ADPRHL1: variants seen among roughly 807,000 people sequenced by gnomAD.
ADPRHL1 encodes ADP-ribosylhydrolase like 1.
A neutral mutation model predicts 44.1 loss-of-function variants in ADPRHL1; 43 were observed. That is an observed-to-expected ratio of 0.98 (90% CI 0.76 to 1.26). The LOEUF is 1.26. Among genes scored for constraint, ADPRHL1 ranks in the 50% most tolerant of loss-of-function variants. The pLI, the probability that ADPRHL1 is intolerant of heterozygous loss-of-function variation, is 0.00. For synonymous variants in ADPRHL1, 878 were observed against 1,017.4 expected, an observed-to-expected ratio of 0.86 and a Z score of 2.61; for missense variants, 2,022 against 2,496.9, an observed-to-expected ratio of 0.81 and a Z score of 4.05.
intron 6 of ADPRHL1, 63 bp downstream of exon 6, chr13:113,424,154 G>A (rs556597574): frequency 6.3e-7 from 1 of 1,596,724 alleles, no homozygotes; most frequent in African/African-American, 1.3e-5. Flanking sequence ...GACACTCCGA[G>A]GGGGTGCTTC....
Position 113,400,795 on chromosome 13 carries a change from G to A in ADPRHL1, c.*2583C>T, listed in dbSNP as rs796105197. The A allele has an allele frequency of 6.6e-6, 1 of 152,190 alleles. No individual in the cohort carries two copies. Among genetic ancestry groups the A allele is most frequent in the African/African-American group, 2.4e-5 (1 of 41,442 alleles). The allele number at this position is 152,190 out of a possible 1,614,324, so 9.4% of individuals were successfully genotyped here. A position where few individuals can be genotyped will look rare whatever the true frequency, so the allele number is the denominator to read the frequency against. The stretch of plus-strand genomic sequence containing the variant: ...GGCACATGGAGAGGACGGGCCAGTC[G>A]AGCAGGTGGCCTCCTGGCCGCTCAC... On this transcript the variant is annotated 3_prime_UTR_variant, in exon 8 of 8. Coordinates refer to ENST00000612156, the MANE Select transcript of ADPRHL1 (RefSeq NM_001394807.1).
chr13:113,405,508 G>A lies in ADPRHL1; in HGVS notation c.3774C>T (p.Ser1258=). Residue 1258 remains serine, a synonymous_variant, in exon 8 of 8, where the codon AGC becomes AGT. Transcript: ENST00000612156. ...VAVEGNLLGF[S]TESGIPASDH... ...CAGAAGCAGGAATTCCAGACTCTGT[G>A]CTGAAACCCAAAAGGTTTCCTTCCA... 8.1e-7 allele frequency: 1 copy of A among 1,232,108 alleles called. No individual in the cohort carries two copies. The highest frequency in any genetic ancestry group is 1.0e-6 in the Non-Finnish European group (1 of 988,258). The allele number at this position is 1,232,108 out of a possible 1,614,324, so 76.3% of individuals were successfully genotyped here.
chr13:113,444,376 G>A (rs767779224), intron 2 of ADPRHL1, 49 bp downstream of exon 2: 2 of 1,593,436 alleles, frequency 1.3e-6, no homozygotes, highest in South Asian at 1.1e-5. Flanking sequence ...TAGGACCGCA[G>A]GGTCCCCAGC....
intron 2 of ADPRHL1, among the ~76,000 whole-genome samples, chr13:113,435,122 T>A (rs1435396157): frequency 1.6e-5 from 2 of 125,874 alleles, no homozygotes; most frequent in Non-Finnish European, 3.4e-5. Context: ...AGAGTGAACA[T>A]AGGTGTACCC....
intron 3 of ADPRHL1, among the ~76,000 whole-genome samples, chr13:113,430,110 G>A (rs985341333): frequency 2.6e-5 from 4 of 152,178 alleles, no homozygotes; most frequent in African/African-American, 9.7e-5. Context: ...CACTGGGTGC[G>A]CAGCTCTCAG....
intron 1 of ADPRHL1, among the ~76,000 whole-genome samples, chr13:113,450,939 T>C (rs993071677): frequency 1.7e-4 from 24 of 142,954 alleles, no homozygotes; most frequent in South Asian, 6.7e-4. Context: ...TAAACTCCCC[T>C]GGGGAAAGGG....
In ADPRHL1 at chr13:113,408,075, G is replaced by T. The variant is rs565715760; in HGVS notation, c.1207C>A (p.Pro403Thr). 1.6e-6 allele frequency: 2 copies of T among 1,232,010 alleles called. No homozygotes were observed. Among genetic ancestry groups the T allele is most frequent in the Non-Finnish European group, 2.0e-6 (2 of 987,948 alleles). The allele number at this position is 1,232,010 out of a possible 1,614,324, so 76.3% of individuals were successfully genotyped here. A position where few individuals can be genotyped will look rare whatever the true frequency, so the allele number is the denominator to read the frequency against. ...CTCCCCCCGGCCTCTGTCCCCGGGG[G>T]CCGGTCTGCGCGGCCCGTGACGTAG... is the stretch of plus-strand genomic sequence containing the variant. ...LLYVTGRADR[P>T]PGTEAGGSRP... Residue 403 changes from proline (P) to threonine (T), a missense_variant, in exon 8 of 8, where the codon CCC becomes ACC. Around this residue, in one of 8 missense-constraint regions of ADPRHL1, gnomAD observed 1,221 missense variants for 1,517.8 expected, o/e 0.80. Coordinates refer to ENST00000612156, the MANE Select transcript of ADPRHL1 (RefSeq NM_001394807.1).
chr13:113,433,368 G>A (rs901725356), intron 3 of ADPRHL1, among the ~76,000 whole-genome samples: 1 of 152,158 alleles, frequency 6.6e-6, no homozygotes, highest in African/African-American at 2.4e-5. Flanking sequence ...CTTTTGTTCT[G>A]ACACAAATGA....
intron 7 of ADPRHL1, chr13:113,410,223 G>T: frequency 2.8e-6 from 2 of 710,146 alleles, no homozygotes; most frequent in Non-Finnish European, 3.5e-6. Context: ...CCCTCGCCCG[G>T]TTCAGTGAGT....
intron 1 of ADPRHL1, among the ~76,000 whole-genome samples, chr13:113,446,522 C>G (rs1188839697): frequency 6.6e-6 from 1 of 150,420 alleles, no homozygotes; most frequent in Non-Finnish European, 1.5e-5. Context: ...GTCATATGGG[C>G]ACGGCGTTGT....
intron 1 of ADPRHL1, among the ~76,000 whole-genome samples, chr13:113,450,809 A>G (rs761796051): frequency 3.9e-5 from 6 of 152,342 alleles, no homozygotes; most frequent in South Asian, 2.1e-4. Context: ...ACATGAAGGC[A>G]GACTAGGAGT....
At position 113,409,250 on chromosome 13, in the gene ADPRHL1, A is replaced by G; in HGVS notation, c.1062-1030T>C. 2 of 976,170 alleles carry G rather than the reference A, an allele frequency of 2.0e-6. No homozygotes were observed. The highest frequency in any genetic ancestry group is 3.5e-5 in the African/African-American group (2 of 57,040). The allele number at this position is 976,170 out of a possible 1,614,324, so 60.5% of individuals were successfully genotyped here. A position where few individuals can be genotyped will look rare whatever the true frequency, so the allele number is the denominator to read the frequency against. On this transcript the variant is annotated intron_variant, in intron 7 of 7. Coordinates refer to ENST00000612156, the MANE Select transcript of ADPRHL1 (RefSeq NM_001394807.1). The surrounding 1 kb of genome is among the most constrained non-coding windows in gnomAD (Gnocchi z 4.2). ...GCTCCTGAGCAGCCGTGACCACAGG[A>G]GCAAAGCTGGAAGGTCTCCCCATCT...
At chr13:113,449,523 A>G (rs1023820788) in intron 1 of ADPRHL1, among the ~76,000 whole-genome samples, 2 of 148,818 alleles carry the variant, frequency 1.3e-5, no homozygotes, top group African/African-American at 5.0e-5. Context: ...CCCTGTTCAG[A>G]GGCTCACCCG....
intron 2 of ADPRHL1, among the ~76,000 whole-genome samples, chr13:113,435,121 A>G (rs2044041044): frequency 1.5e-5 from 2 of 133,916 alleles, no homozygotes; most frequent in Non-Finnish European, 3.2e-5. Flanking sequence ...TAGAGTGAAC[A>G]TAGGTGTACC....
At position 113,441,947 on chromosome 13, in the gene ADPRHL1, C is replaced by A. The variant is rs540894541; in HGVS notation, c.379+2478G>T. 2.6e-5 allele frequency among the ~76,000 whole-genome samples: 4 copies of A among 152,336 alleles called. No individual in the cohort carries two copies. The highest frequency in any genetic ancestry group is 5.9e-5 in the Non-Finnish European group (4 of 68,028). ...ACCGTGCTGGTCCGTGTCTCTGTCA[C>A]GTTGTGTCCCGCCACGCGGCGTCCG... On this transcript the variant is annotated intron_variant, in intron 2 of 7. Transcript: ENST00000612156. This position sits in a 1 kb window ranked among gnomAD's most constrained non-coding sequence, Gnocchi z 6.0.
intron 1 of ADPRHL1, among the ~76,000 whole-genome samples, chr13:113,451,261 G>T (rs2044177709): frequency 6.6e-6 from 1 of 152,180 alleles, no homozygotes; most frequent in African/African-American, 2.4e-5. Context: ...AATGATTAAT[G>T]ATATTCATAT....
chr13:113,442,002 G>A (rs761665314), intron 2 of ADPRHL1, among the ~76,000 whole-genome samples: 56 of 152,386 alleles, frequency 3.7e-4, no homozygotes, highest in Middle Eastern at 3.4e-3. Flanking sequence ...CCTGTGGCGC[G>A]GGTCTCTGTT....
intron 1 of ADPRHL1, among the ~76,000 whole-genome samples, chr13:113,446,818 A>G (rs1436310544): frequency 6.7e-6 from 1 of 149,578 alleles, no homozygotes; most frequent in African/African-American, 2.6e-5. Context: ...CTACACGCAC[A>G]GTGTTGTCTA....
chr13:113,404,665 C>T lies in ADPRHL1; in HGVS notation c.4617G>A (p.Gln1539=). Residue 1539 remains glutamine (Q), a synonymous_variant, in exon 8 of 8, where the codon CAG becomes CAA. Coordinates refer to ENST00000612156, the MANE Select transcript of ADPRHL1 (RefSeq NM_001394807.1). The part of the protein sequence containing the change: ...QGHSQGQAQK[Q]FQNWAQGQAQ... ...CCTGTCCCTGGGCCCAATTCTGAAACTGTTTCTGGGCCTGTCCCTGACTGT... is the reference window on the plus strand; with the variant it reads ...CCTGTCCCTGGGCCCAATTCTGAAATTGTTTCTGGGCCTGTCCCTGACTGT... The T allele has an allele frequency of 7.7e-7, 1 of 1,297,122 alleles. No individual in the cohort carries two copies. Among genetic ancestry groups the T allele is most frequent in the Non-Finnish European group, 9.7e-7 (1 of 1,029,158 alleles). The allele number at this position is 1,297,122 out of a possible 1,614,324, so 80.4% of individuals were successfully genotyped here.
Sources: allele counts gnomAD v4.1 joint callset (sites outside exome capture counted in the v4.1 genomes callset), GRCh38; gene constraint gnomAD v4.1.1; regional missense constraint gnomAD v4.1.1; non-coding constraint Gnocchi (gnomAD v3.1); transcripts MANE v1.5; gene names NCBI Gene and HGNC (gene_info 2026-07-23, HGNC 2026-07-21).